The following ZBTB20 variants were observed in gnomAD, a reference collection of about 807,000 sequenced individuals.
The protein encoded by ZBTB20 is zinc finger and BTB domain-containing protein 20.
Under a neutral mutation model 56.9 loss-of-function variants are expected in ZBTB20, and 9 were observed. That is an observed-to-expected ratio of 0.16 (90% confidence interval 0.10 to 0.28). The LOEUF (loss-of-function observed/expected upper bound fraction) is 0.28. Among genes scored for constraint, ZBTB20 ranks in the 10% least tolerant of loss-of-function variants. The pLI is 1.00. For synonymous variants in ZBTB20, 417 were observed against 420.7 expected, an observed-to-expected ratio of 0.99 and a Z score of 0.11; for missense variants, 655 against 1,003.0, an observed-to-expected ratio of 0.65 and a Z score of 4.69.
At position 115,090,403 on chromosome 3, in the gene ZBTB20, A is replaced by T. The variant is rs1244417201; in HGVS notation, c.-702-18989T>A. 2.0e-5 allele frequency among the ~76,000 whole-genome samples: 3 copies of T among 151,844 alleles called. No homozygotes were observed. In the East Asian group the frequency reaches 5.8e-4, roughly 29 times the overall value. ...TTAAACTTTTTTCCCTCTATTTTTA[A>T]ATAAACATTACTGTCAAAATTTATG... On this transcript the variant is annotated intron_variant, in intron 1 of 11. Coordinates refer to ENST00000675478, the MANE Select transcript of ZBTB20 (RefSeq NM_001348800.3).
intron 7 of ZBTB20, among the ~76,000 whole-genome samples, chr3:114,393,992 C>T (rs1405846189): frequency 6.6e-6 from 1 of 152,150 alleles, no homozygotes; most frequent in Non-Finnish European, 1.5e-5. Flanking sequence ...CAGATGTCTA[C>T]TTTGAGTATG....
At chr3:115,104,941 G>GCTGT (rs1231452666) in intron 1 of ZBTB20, among the ~76,000 whole-genome samples, 1 of 152,064 alleles carries the variant, frequency 6.6e-6, no homozygotes, top group East Asian at 1.9e-4. Context: ...TGATGGGGAG[G>GCTGT]CTGTGCATGT....
intron 4 of ZBTB20, among the ~76,000 whole-genome samples, chr3:114,812,138 T>C (rs1042505321): frequency 6.6e-6 from 1 of 152,116 alleles, no homozygotes; most frequent in Non-Finnish European, 1.5e-5. Context: ...GAACAAAGCT[T>C]CCACAGTGTG....
chr3:114,930,697 G>T (rs2076325486), intron 3 of ZBTB20: 1 of 202,908 alleles, frequency 4.9e-6, no homozygotes, highest in African/African-American at 2.4e-5. Flanking sequence ...ACAGTAAAAT[G>T]GTTCAATGTA....
intron 7 of ZBTB20, among the ~76,000 whole-genome samples, chr3:114,482,849 G>A (rs1474544249): frequency 1.3e-5 from 2 of 152,158 alleles, no homozygotes; most frequent in Admixed American, 6.5e-5. Context: ...TTCTGATTTA[G>A]TCTTTGAAAT....
intron 4 of ZBTB20, among the ~76,000 whole-genome samples, chr3:114,857,426 C>T (rs758050606): frequency 2.0e-5 from 3 of 152,172 alleles, no homozygotes; most frequent in Non-Finnish European, 2.9e-5. Flanking sequence ...AATAAATAAG[C>T]TAAAACCACA....
chr3:114,908,689 G>A (rs1436528037), intron 3 of ZBTB20, among the ~76,000 whole-genome samples: 1 of 151,828 alleles, frequency 6.6e-6, no homozygotes, highest in African/African-American at 2.4e-5. Context: ...TCAAAATAGG[G>A]CACAATCTTA....
chr3:115,056,551 A>C (rs1237385280), intron 2 of ZBTB20, among the ~76,000 whole-genome samples: 1 of 152,144 alleles, frequency 6.6e-6, no homozygotes, highest in Non-Finnish European at 1.5e-5. Flanking sequence ...CATTTTAACA[A>C]GTTAGCTTAT....
At chr3:115,080,900 T>TA (rs1264502947) in intron 1 of ZBTB20, among the ~76,000 whole-genome samples, 8 of 152,084 alleles carry the variant, frequency 5.3e-5, no homozygotes, top group Non-Finnish European at 1.2e-4. Flanking sequence ...ATTTCAGATA[T>TA]AAAAACAAGT....
intron 8 of ZBTB20, among the ~76,000 whole-genome samples, chr3:114,385,825 G>A (rs537786320): frequency 4.5e-4 from 69 of 152,204 alleles, no homozygotes; most frequent in African/African-American, 1.3e-3. Flanking sequence ...CCGAGATGGC[G>A]CCACTGCACT....
chr3:114,486,078 G>A (rs905285912), intron 7 of ZBTB20, among the ~76,000 whole-genome samples: 9 of 117,482 alleles, frequency 7.7e-5, no homozygotes, highest in Admixed American at 3.7e-4. Context: ...GTTCTTTGTC[G>A]ATTAAATAAA....
At chr3:114,991,251 A>G (rs909247959) in intron 2 of ZBTB20, among the ~76,000 whole-genome samples, 4 of 152,130 alleles carry the variant, frequency 2.6e-5, no homozygotes, top group Non-Finnish European at 5.9e-5. Context: ...TTGGTGCTAT[A>G]AATTTCCCTC....
chr3:114,851,796 T>A (rs1232084494), intron 4 of ZBTB20, among the ~76,000 whole-genome samples: 1 of 152,168 alleles, frequency 6.6e-6, no homozygotes, highest in Non-Finnish European at 1.5e-5. Context: ...AATAGTCATG[T>A]TTAAAGATAT....
chr3:114,476,937 T>A (rs1409854150), intron 7 of ZBTB20, among the ~76,000 whole-genome samples: 2 of 152,244 alleles, frequency 1.3e-5, no homozygotes, highest in Non-Finnish European at 2.9e-5. Flanking sequence ...AAGCTGCTGA[T>A]GCTTTCTCAG....
At chr3:114,488,738 A>C (rs920128125) in intron 7 of ZBTB20, among the ~76,000 whole-genome samples, 3 of 152,230 alleles carry the variant, frequency 2.0e-5, no homozygotes, top group African/African-American at 7.2e-5. Context: ...GTAAGTGTAC[A>C]AACATGTGTA....
chr3:114,445,394 T>C (rs746239925), intron 7 of ZBTB20: 1 of 152,202 alleles, frequency 6.6e-6, no homozygotes, highest in Admixed American at 6.5e-5. Context: ...ATGACTTCTA[T>C]GTCTCACCCT....
intron 6 of ZBTB20, among the ~76,000 whole-genome samples, chr3:114,544,445 CTTT>C (rs1559938035): frequency 1.9e-5 from 2 of 106,174 alleles, no homozygotes; most frequent in African/African-American, 3.7e-5. Context: ...TTCTTTCTTT[CTTT>C]CTTTCTTTCT....
At chr3:114,644,774 C>T (rs1211940544) in intron 6 of ZBTB20, among the ~76,000 whole-genome samples, 2 of 152,020 alleles carry the variant, frequency 1.3e-5, no homozygotes, top group Non-Finnish European at 2.9e-5. Flanking sequence ...CATATGCACC[C>T]TCTGTATCTA....
chr3:114,627,385 A>T (rs898231053), intron 6 of ZBTB20, among the ~76,000 whole-genome samples: 18 of 152,210 alleles, frequency 1.2e-4, no homozygotes, highest in Non-Finnish European at 2.5e-4. Flanking sequence ...CATTAGCCTG[A>T]TTAAAAGTCC....
Sources: gnomAD v4.1 joint callset for allele counts (sites outside exome capture counted in the v4.1 genomes callset) on GRCh38, gnomAD v4.1.1 for gene constraint, MANE v1.5 for transcripts, NCBI Gene and HGNC (gene_info 2026-07-23, HGNC 2026-07-21) for gene names.